Variants in SRBD1 observed in about 807,000 individuals in gnomAD.
SRBD1 encodes S1 RNA-binding domain-containing protein 1.
Under a neutral mutation model 115.3 loss-of-function variants are expected in SRBD1, and 88 were observed. The ratio of observed to expected loss-of-function variants is 0.76; its 90% CI spans 0.64 to 0.91. SRBD1 has a LOEUF of 0.91. Ranked by LOEUF, SRBD1 falls within the 40% of genes least tolerant of loss-of-function variation. The pLI, the probability that SRBD1 is intolerant of heterozygous loss-of-function variation, is 0.00. For missense variants in SRBD1, 1,385 were observed against 1,177.4 expected, an observed-to-expected ratio of 1.18 and a Z score of -2.58; for synonymous variants, 509 against 407.7, an observed-to-expected ratio of 1.25 and a Z score of -2.99.
chr2:45,491,048 CTAGAAT>C (rs1200543622), intron 14 of SRBD1, among the ~76,000 whole-genome samples: 1 of 152,056 alleles, frequency 6.6e-6, no homozygotes, highest in Middle Eastern at 3.2e-3. Flanking sequence ...GTATATGTGA[CTAGAAT>C]TAATGAAACA....
chr2:45,564,069 G>T (rs557405189), intron 9 of SRBD1, among the ~76,000 whole-genome samples: 20 of 151,958 alleles, frequency 1.3e-4, no homozygotes, highest in Non-Finnish European at 2.2e-4. Context: ...ACCACATCCA[G>T]AAATATATAA....
At chr2:45,543,808 G>A (rs1202721929) in intron 14 of SRBD1, among the ~76,000 whole-genome samples, 1 of 152,144 alleles carries the variant, frequency 6.6e-6, no homozygotes, top group Admixed American at 6.6e-5. Flanking sequence ...TGTAAGTAGA[G>A]TTAAATCAGA....
intron 14 of SRBD1, among the ~76,000 whole-genome samples, chr2:45,530,575 T>G (rs1352608922): frequency 6.6e-6 from 1 of 151,978 alleles, no homozygotes; most frequent in Non-Finnish European, 1.5e-5. Context: ...CTATGATGGG[T>G]CATATCAAAT....
intron 14 of SRBD1, among the ~76,000 whole-genome samples, chr2:45,494,298 A>T (rs923847728): frequency 6.6e-6 from 1 of 152,098 alleles, no homozygotes; most frequent in Non-Finnish European, 1.5e-5. Flanking sequence ...ACCATGTAAT[A>T]CTCATATGTA....
chr2:45,448,268 G>A (rs1366818675), intron 16 of SRBD1, among the ~76,000 whole-genome samples: 1 of 151,950 alleles, frequency 6.6e-6, no homozygotes, highest in Non-Finnish European at 1.5e-5. Flanking sequence ...CTACGAAATG[G>A]GGAAAATAAC....
chr2:45,414,649 T>C (rs961935501), intron 18 of SRBD1, among the ~76,000 whole-genome samples: 1 of 150,682 alleles, frequency 6.6e-6, no homozygotes, highest in Non-Finnish European at 1.5e-5. Flanking sequence ...GTGTATATAG[T>C]ATGCACATAC....
chr2:45,411,666 T>C (rs1572607052), intron 19 of SRBD1, among the ~76,000 whole-genome samples: 2 of 152,334 alleles, frequency 1.3e-5, no homozygotes, highest in East Asian at 1.9e-4. Context: ...ATTCAGCTAA[T>C]ATAAACTTAA....
At chr2:45,487,384 C>T (rs1419180749) in intron 15 of SRBD1, among the ~76,000 whole-genome samples, 3 of 152,096 alleles carry the variant, frequency 2.0e-5, no homozygotes, top group African/African-American at 7.2e-5. Flanking sequence ...GATTTTGACT[C>T]TTCCACATTA....
Position 45,553,725 on chromosome 2 carries a change from C to T in SRBD1, c.1415G>A (p.Arg472Lys), listed in dbSNP as rs928914502. The part of the protein sequence containing the change: ...FCRWCIQNRW[R>K]PRSFARPELM... Reference sequence around the variant, plus strand: ...CTCTGGCCTTGCAAAGCTACGTGGTCTCCACCTGCAAAACAGAAAAGCCCA... The same window carrying T: ...CTCTGGCCTTGCAAAGCTACGTGGTTTCCACCTGCAAAACAGAAAAGCCCA... Residue 472 changes from arginine (R) to lysine (K), a missense_variant, in exon 11 of 21, where the codon AGA (arginine) becomes AAA (lysine). Arg to Lys is a conservative substitution (Grantham distance 26). Transcript: ENST00000263736. 2 of 1,572,974 alleles carry T rather than the reference C, an allele frequency of 1.3e-6. No homozygotes were observed. Among genetic ancestry groups the T allele is most frequent in the Admixed American group, 1.9e-5 (1 of 51,454 alleles).
chr2:45,427,211 C>G (rs548995353), intron 16 of SRBD1, among the ~76,000 whole-genome samples: 101 of 150,776 alleles, frequency 6.7e-4, no homozygotes, highest in Non-Finnish European at 1.2e-3. Flanking sequence ...AGCTGAAAAA[C>G]ACCGCACAAG....
intron 2 of SRBD1, among the ~76,000 whole-genome samples, chr2:45,602,817 G>A (rs905291763): frequency 6.6e-6 from 1 of 152,158 alleles, no homozygotes; most frequent in African/African-American, 2.4e-5. Context: ...CCTTTACTGA[G>A]ATGAGTGAAT....
At chr2:45,486,740 A>G (rs1258513632) in intron 15 of SRBD1, among the ~76,000 whole-genome samples, 4 of 146,566 alleles carry the variant, frequency 2.7e-5, no homozygotes, top group Admixed American at 2.0e-4. Context: ...CAAAAAAAAT[A>G]AAATAAAATA....
At chr2:45,426,278 T>C (rs553979461) in intron 16 of SRBD1, among the ~76,000 whole-genome samples, 5 of 152,368 alleles carry the variant, frequency 3.3e-5, no homozygotes, top group African/African-American at 9.6e-5. Flanking sequence ...GCAAAGCCAC[T>C]GTAGCCAGAC....
chr2:45,563,326 A>C (rs1672731543), intron 9 of SRBD1, among the ~76,000 whole-genome samples: 1 of 152,088 alleles, frequency 6.6e-6, no homozygotes, highest in Admixed American at 6.5e-5. Flanking sequence ...AGTAGCAAAA[A>C]AAGAATTTAA....
intron 19 of SRBD1, among the ~76,000 whole-genome samples, chr2:45,395,114 C>T (rs1558549699): frequency 1.3e-5 from 2 of 152,214 alleles, no homozygotes; most frequent in South Asian, 2.1e-4. Context: ...ATAATGCGTG[C>T]CCTGCTGAGC....
intron 14 of SRBD1, among the ~76,000 whole-genome samples, chr2:45,535,636 G>A (rs181329121): frequency 6.6e-6 from 1 of 151,982 alleles, no homozygotes; most frequent in East Asian, 1.9e-4. Flanking sequence ...TGGGCCAGAA[G>A]ATAAAATAAG....
chr2:45,480,667 A>AT lies in SRBD1; in HGVS notation c.1967-3593_1967-3592insA, dbSNP rs1204572216. On this transcript the variant is annotated intron_variant, in intron 15 of 20. Transcript: ENST00000263736. ...GGTGAAGATGCTATGAACGTTGTGG[A>AT]AATGATAAAAGATATCAAATATTAC... is the stretch of plus-strand genomic sequence containing the variant. Among the ~76,000 whole-genome samples the AT allele has an allele frequency of 1.2e-4, 18 of 152,324 alleles. No homozygotes were observed. The South Asian group carries it at 3.7e-3, about 32-fold the overall frequency.
At chr2:45,607,922 G>C (rs1027979782) in intron 1 of SRBD1, among the ~76,000 whole-genome samples, 4 of 152,158 alleles carry the variant, frequency 2.6e-5, no homozygotes, top group Middle Eastern at 3.2e-3. Flanking sequence ...GAATGGGAAG[G>C]CTTTTCTCTG....
intron 14 of SRBD1, among the ~76,000 whole-genome samples, chr2:45,541,781 G>A (rs1208557192): frequency 6.6e-6 from 1 of 152,238 alleles, no homozygotes; most frequent in Non-Finnish European, 1.5e-5. Context: ...GACCCAAAGT[G>A]GGTGGCTCCT....
Sources: allele counts gnomAD v4.1 joint callset (sites outside exome capture counted in the v4.1 genomes callset), GRCh38; gene constraint gnomAD v4.1.1; transcripts MANE v1.5; gene names NCBI Gene and HGNC (gene_info 2026-07-23, HGNC 2026-07-21).